ADAMTSL1: variants seen among roughly 807,000 people sequenced by gnomAD.
The protein encoded by ADAMTSL1 is ADAMTS like 1.
In ADAMTSL1, 126 loss-of-function variants were observed where a neutral mutation model predicts 201.8. The ratio of observed to expected loss-of-function variants is 0.62; its 90% CI spans 0.54 to 0.72. ADAMTSL1 has a LOEUF of 0.72. Ranked by LOEUF, ADAMTSL1 falls within the 30% of genes least tolerant of loss-of-function variation. The probability of loss-of-function intolerance (pLI) is 0.00; values close to 1 mark genes in which losing one functional copy is unlikely to be tolerated. For missense variants in ADAMTSL1, 2,679 were observed against 2,277.8 expected, an observed-to-expected ratio of 1.18 and a Z score of -3.59; for synonymous variants, 1,121 against 903.4, an observed-to-expected ratio of 1.24 and a Z score of -4.32.
chr9:18,549,383 A>G (rs1407810548), intron 3 of ADAMTSL1, among the ~76,000 whole-genome samples: 2 of 152,028 alleles, frequency 1.3e-5, no homozygotes, highest in Non-Finnish European at 2.9e-5. Context: ...TTCAGTGAAG[A>G]GTGTAGGCAA....
intron 15 of ADAMTSL1, among the ~76,000 whole-genome samples, chr9:18,735,748 C>CTTT (rs71333066): frequency 9.4e-6 from 1 of 106,680 alleles, no homozygotes. Flanking sequence ...ATTCTTTTTT[C>CTTT]TTTTTTTTTT....
chr9:18,888,100 A>C (rs1385418096), intron 24 of ADAMTSL1, 57 bp downstream of exon 24: 1 of 1,525,754 alleles, frequency 6.6e-7, no homozygotes, highest in Admixed American at 1.8e-5. Flanking sequence ...CCACTTGGGA[A>C]TCTAACTATC....
intron 1 of ADAMTSL1, among the ~76,000 whole-genome samples, chr9:17,945,935 GT>G (rs2131360630): frequency 6.6e-6 from 1 of 151,686 alleles, no homozygotes; most frequent in South Asian, 2.1e-4. Context: ...CCTGCACATG[GT>G]GCACATGTAC....
At chr9:18,732,227 A>G (rs912447237) in intron 15 of ADAMTSL1, among the ~76,000 whole-genome samples, 1 of 152,156 alleles carries the variant, frequency 6.6e-6, no homozygotes, top group African/African-American at 2.4e-5. Flanking sequence ...TTATTCTGAA[A>G]TTTTCTTAAC....
intron 2 of ADAMTSL1, among the ~76,000 whole-genome samples, chr9:18,169,614 T>A (rs2132118476): frequency 6.6e-6 from 1 of 152,306 alleles, no homozygotes; most frequent in East Asian, 1.9e-4. Flanking sequence ...TGCGGGCTCT[T>A]TTTTAGTTCC....
intron 2 of ADAMTSL1, among the ~76,000 whole-genome samples, chr9:18,405,201 C>T (rs923749675): frequency 6.6e-6 from 1 of 152,102 alleles, no homozygotes; most frequent in African/African-American, 2.4e-5. Flanking sequence ...TCCTTATTTC[C>T]AAGGGCAAAG....
rs145692936 is a variant in ADAMTSL1 at position 18,398,259 on chromosome 9, C to CCATA, written c.208-106569_208-106566dup. On this transcript the variant is annotated intron_variant, in intron 2 of 29. Coordinates refer to the ADAMTSL1 transcript ENST00000680146. ...GCGGTTGAATTACTCTGCTACTGAC[C>CCATA]CATAGGTCCTCCCATTGTGTCATTA... is the stretch of plus-strand genomic sequence containing the variant. Among the ~76,000 whole-genome samples, 507 of 152,200 alleles carry CCATA rather than the reference C, an allele frequency of 3.3e-3. 3 individuals are homozygous for CCATA. The highest frequency in any genetic ancestry group is 0.012 in the African/African-American group (484 of 41,524).
At position 18,585,324 on chromosome 9, in the gene ADAMTSL1, T is replaced by A. The variant is rs994688292; in HGVS notation, c.474+11058T>A. 2.0e-5 allele frequency among the ~76,000 whole-genome samples: 3 copies of A among 152,202 alleles called. No individual in the cohort carries two copies. In the South Asian group the frequency reaches 6.2e-4, roughly 31 times the overall value. ...AAATTAAGTGTAAGCTTCACAAAAA[T>A]TGATGAGTTTGTTTTCCCAAAGAGA... On this transcript the variant is annotated intron_variant, in intron 4 of 28. Coordinates refer to ENST00000380548, the MANE Select transcript of ADAMTSL1 (RefSeq NM_001040272.6).
chr9:18,623,083 A>T (rs568806843), intron 5 of ADAMTSL1, among the ~76,000 whole-genome samples: 1 of 152,172 alleles, frequency 6.6e-6, no homozygotes, highest in South Asian at 2.1e-4. Context: ...TTTAGTAGAG[A>T]CAGGGTTTCA....
rs73643279 is a variant in ADAMTSL1 at position 18,446,915 on chromosome 9, A to G, written c.208-57914A>G. ...CCTATAAAGGCAGTCAGAAGTGTGG[A>G]CTGAAGACAGTTTTGAGGGATAAAA... is the stretch of plus-strand genomic sequence containing the variant. On this transcript the variant is annotated intron_variant, in intron 2 of 29. Coordinates refer to the ADAMTSL1 transcript ENST00000680146. Among the ~76,000 whole-genome samples the G allele has an allele frequency of 8.9e-3, 1,352 of 151,710 alleles. 18 individuals are homozygous for G. The highest frequency in any genetic ancestry group is 0.031 in the African/African-American group (1,271 of 40,994).
intron 14 of ADAMTSL1, chr9:18,718,062 C>G (rs1833069651): frequency 6.7e-7 from 1 of 1,500,036 alleles, no homozygotes; most frequent in Admixed American, 1.7e-5. Context: ...TAAAAGATCT[C>G]ATTAACATTT....
chr9:18,721,436 G>C, intron 14 of ADAMTSL1, 100 bp from the exon 15 acceptor site: 1 of 1,513,580 alleles, frequency 6.6e-7, no homozygotes, highest in Admixed American at 1.9e-5. Context: ...GAGTCCTACA[G>C]AACACAGGGA....
At chr9:18,492,063 ACT>A (rs1220394244) in intron 1 of ADAMTSL1, among the ~76,000 whole-genome samples, 1 of 152,168 alleles carries the variant, frequency 6.6e-6, no homozygotes, top group African/African-American at 2.4e-5. Context: ...ATAGTAACTG[ACT>A]CTCATTTATT....
At chr9:18,868,851 C>T (rs1227476216) in intron 23 of ADAMTSL1, among the ~76,000 whole-genome samples, 1 of 152,176 alleles carries the variant, frequency 6.6e-6, no homozygotes, top group Non-Finnish European at 1.5e-5. Flanking sequence ...TTTGTCTAGA[C>T]TATTGTGCTC....
intron 1 of ADAMTSL1, among the ~76,000 whole-genome samples, chr9:18,150,450 G>A (rs1826858208): frequency 1.3e-5 from 2 of 151,986 alleles, no homozygotes; most frequent in Non-Finnish European, 2.9e-5. Context: ...GATAATTTTA[G>A]CCAGGGAAAT....
intron 27 of ADAMTSL1, 129 bp from the exon 28 acceptor site, chr9:18,906,563 C>A: frequency 1.4e-6 from 1 of 730,376 alleles, no homozygotes; most frequent in Non-Finnish European, 2.2e-6. Flanking sequence ...AATCAGAATC[C>A]AGGTCTAGTA....
At chr9:18,110,323 C>G (rs1054769458) in intron 1 of ADAMTSL1, among the ~76,000 whole-genome samples, 2 of 152,104 alleles carry the variant, frequency 1.3e-5, no homozygotes, top group African/African-American at 2.4e-5. Flanking sequence ...GTTGCTTCCT[C>G]AAAAAGGAAC....
intron 10 of ADAMTSL1, among the ~76,000 whole-genome samples, chr9:18,676,947 C>T (rs7045779): frequency 0.56 from 84,845 of 151,778 alleles, 23,891 homozygotes; most frequent in African/African-American, 0.61. Flanking sequence ...CATTTCTTCC[C>T]GAACAATCAC....
intron 2 of ADAMTSL1, among the ~76,000 whole-genome samples, chr9:18,438,993 T>TG (rs1413940868): frequency 3.4e-5 from 3 of 87,066 alleles, no homozygotes; most frequent in Non-Finnish European, 9.9e-5. Flanking sequence ...GTTGACAGGT[T>TG]TTTTTTTTTT....
Sources: gnomAD v4.1 joint callset for allele counts (sites outside exome capture counted in the v4.1 genomes callset) on GRCh38, gnomAD v4.1.1 for gene constraint, MANE v1.5 for transcripts, NCBI Gene and HGNC (gene_info 2026-07-23, HGNC 2026-07-21) for gene names.